Variants in HSD17B12 observed in about 807,000 individuals in gnomAD.
The protein encoded by HSD17B12 is hydroxysteroid 17-beta dehydrogenase 12, also known as very-long-chain 3-oxoacyl-CoA reductase.
Under a neutral mutation model 39.3 loss-of-function variants are expected in HSD17B12, and 32 were observed. That is an observed-to-expected ratio of 0.81 (90% CI 0.61 to 1.09). The LOEUF is 1.09. Among genes scored for constraint, HSD17B12 ranks in the 50% least tolerant of loss-of-function variants. The pLI, the probability that HSD17B12 is intolerant of heterozygous loss-of-function variation, is 0.00. For missense variants in HSD17B12, 342 were observed against 382.9 expected (o/e 0.89, Z 0.89); for synonymous variants, 150 against 146.7 (o/e 1.02, Z -0.16).
At chr11:43,733,796 G>A (rs117428458) in intron 1 of HSD17B12, 8,490 of 711,318 alleles carry the variant, frequency 0.012, 82 homozygotes, top group Middle Eastern at 0.016. Flanking sequence ...GGCAAGTTTG[G>A]CCTGGTCTTA....
chr11:43,798,548 TC>T, intron 4 of HSD17B12, 121 bp downstream of exon 4: 1 of 607,804 alleles, frequency 1.6e-6, no homozygotes, highest in Non-Finnish European at 2.9e-6. Context: ...TAAGACATTA[TC>T]AGTGAATAAT....
At chr11:43,652,133 A>G in the HSD17B12 span, among the ~76,000 whole-genome samples, 7 of 152,220 alleles carry the variant, frequency 4.6e-5, no homozygotes, top group African/African-American at 1.4e-4. Context: ...AAAAAACCCA[A>G]AGTGGCTGAT....
chr11:43,757,929 C>G (rs902675144), intron 3 of HSD17B12, among the ~76,000 whole-genome samples: 2 of 152,084 alleles, frequency 1.3e-5, no homozygotes, highest in Non-Finnish European at 2.9e-5. Flanking sequence ...GACCTATCCT[C>G]TGGGCCCATT....
chr11:43,798,672 A>G (rs1950936802), intron 4 of HSD17B12, among the ~76,000 whole-genome samples: 1 of 152,150 alleles, frequency 6.6e-6, no homozygotes, highest in Non-Finnish European at 1.5e-5. Context: ...GTGTATATTT[A>G]GATATACAGT....
chr11:43,723,421 A>T (rs1223020267), intron 1 of HSD17B12, among the ~76,000 whole-genome samples: 1 of 152,192 alleles, frequency 6.6e-6, no homozygotes, highest in Admixed American at 6.5e-5. Context: ...CTTAGAAATA[A>T]TTTATAATTT....
the HSD17B12 span, among the ~76,000 whole-genome samples, chr11:43,611,222 C>A: frequency 3.3e-5 from 5 of 152,144 alleles, no homozygotes; most frequent in East Asian, 9.7e-4. Flanking sequence ...AAAGGTATAA[C>A]AACAACAAAA....
the HSD17B12 span, among the ~76,000 whole-genome samples, chr11:43,629,920 A>G: frequency 6.6e-6 from 1 of 152,212 alleles, no homozygotes. Flanking sequence ...TTGAGATACT[A>G]AAGAAAAATC....
At chr11:43,634,075 C>CAAAAAAAAAAAAAAAAAAAAAAAAAAA in the HSD17B12 span, among the ~76,000 whole-genome samples, 14 of 37,566 alleles carry the variant, frequency 3.7e-4, 1 homozygote, top group Admixed American at 1.2e-3. Context: ...AACTCCATCT[C>CAAAAAAAAAAAAAAAAAAAAAAAAAAA]AAAAAAAAAA....
intron 1 of HSD17B12, among the ~76,000 whole-genome samples, chr11:43,686,001 A>T (rs1949794663): frequency 6.6e-6 from 1 of 152,220 alleles, no homozygotes; most frequent in African/African-American, 2.4e-5. Context: ...ATGAGAAAAT[A>T]CTGGAAAGTT....
the HSD17B12 span, among the ~76,000 whole-genome samples, chr11:43,618,193 A>G: frequency 6.6e-6 from 1 of 152,194 alleles, no homozygotes; most frequent in Admixed American, 6.5e-5. Flanking sequence ...AAAGAAATGC[A>G]TAAGTTCCAG....
intron 3 of HSD17B12, among the ~76,000 whole-genome samples, chr11:43,794,894 T>C (rs1296394267): frequency 6.6e-6 from 1 of 152,228 alleles, no homozygotes; most frequent in East Asian, 1.9e-4. Context: ...AGAGGCTGTG[T>C]CATTTCTTAG....
At chr11:43,844,879 T>G (rs1390588588) in intron 9 of HSD17B12, among the ~76,000 whole-genome samples, 1 of 152,246 alleles carries the variant, frequency 6.6e-6, no homozygotes, top group East Asian at 1.9e-4. Context: ...GATTTCTTAC[T>G]GTTAACATTT....
At chr11:43,619,217 T>TATATATATATATGATATATATATATAAA in the HSD17B12 span, among the ~76,000 whole-genome samples, 29 of 47,788 alleles carry the variant, frequency 6.1e-4, no homozygotes, top group African/African-American at 2.7e-3. Context: ...ATATATAAAA[T>TATATATATATATGATATATATATATAAA]ATATATATAT....
intron 1 of HSD17B12, among the ~76,000 whole-genome samples, chr11:43,717,882 G>C (rs944973941): frequency 7.5e-5 from 11 of 145,734 alleles, no homozygotes; most frequent in African/African-American, 2.8e-4. Context: ...TTGGCTCATT[G>C]CAACCTCCAC....
intron 3 of HSD17B12, among the ~76,000 whole-genome samples, chr11:43,782,859 C>A (rs1284270593): frequency 2.6e-5 from 4 of 152,098 alleles, no homozygotes; most frequent in Non-Finnish European, 5.9e-5. Flanking sequence ...CTGGCAGACA[C>A]TACCTTAATA....
the HSD17B12 span, among the ~76,000 whole-genome samples, chr11:43,606,986 G>A: frequency 6.6e-6 from 1 of 152,150 alleles, no homozygotes; most frequent in Non-Finnish European, 1.5e-5. Flanking sequence ...TTTTGTATCC[G>A]CAAGATGGGA....
the HSD17B12 span, among the ~76,000 whole-genome samples, chr11:43,664,711 TG>T: frequency 1.3e-5 from 2 of 152,178 alleles, no homozygotes; most frequent in African/African-American, 4.8e-5. Context: ...TTTTCATGCT[TG>T]GGGGTGCCCA....
the HSD17B12 span, among the ~76,000 whole-genome samples, chr11:43,660,089 G>A: frequency 1.6e-4 from 24 of 152,118 alleles, no homozygotes; most frequent in African/African-American, 5.1e-4. Context: ...AGACTCCCTT[G>A]CCGTGCTAGT....
the HSD17B12 span, among the ~76,000 whole-genome samples, chr11:43,564,820 T>C: frequency 6.6e-6 from 1 of 152,122 alleles, no homozygotes; most frequent in East Asian, 1.9e-4. Context: ...ATGAAAACAT[T>C]TGGTAATAGC....
Sources: gnomAD v4.1 joint callset for allele counts (sites outside exome capture counted in the v4.1 genomes callset) on GRCh38, gnomAD v4.1.1 for gene constraint, MANE v1.5 for transcripts, NCBI Gene and HGNC (gene_info 2026-07-23, HGNC 2026-07-21) for gene names.